CCSER1: variants seen among roughly 807,000 people sequenced by gnomAD.
CCSER1 encodes serine-rich coiled-coil domain-containing protein 1.
A neutral mutation model predicts 82.0 loss-of-function variants in CCSER1; 41 were observed. That is an observed-to-expected ratio of 0.50 (90% confidence interval 0.39 to 0.65). The LOEUF (loss-of-function observed/expected upper bound fraction) is 0.65. Among genes scored for constraint, CCSER1 ranks in the 30% least tolerant of loss-of-function variants. The pLI is 0.00. For synonymous variants in CCSER1, 414 were observed against 383.9 expected, an observed-to-expected ratio of 1.08 and a Z score of -0.92; for missense variants, 1,119 against 1,064.2, an observed-to-expected ratio of 1.05 and a Z score of -0.72.
At chr4:90,660,118 A>G (rs1183181472) in intron 6 of CCSER1, among the ~76,000 whole-genome samples, 1 of 152,042 alleles carries the variant, frequency 6.6e-6, no homozygotes, top group Non-Finnish European at 1.5e-5. Flanking sequence ...AGGAAACAGT[A>G]TGGCAATTTC....
intron 8 of CCSER1, among the ~76,000 whole-genome samples, chr4:90,878,135 T>G (rs2150059335): frequency 6.6e-6 from 1 of 152,272 alleles, no homozygotes; most frequent in Non-Finnish European, 1.5e-5. Context: ...TATGGACTAT[T>G]TATCCTTAAT....
In CCSER1 at chr4:91,601,754, A is replaced by G. The variant is rs143806543; in HGVS notation, c.*2697A>G. On this transcript the variant is annotated 3_prime_UTR_variant, in exon 11 of 11. Coordinates refer to ENST00000509176, the MANE Select transcript of CCSER1 (RefSeq NM_001145065.2). ...TTTTGTGCATGTGTATGTGTAGCTA[A>G]GCCTAAATAACCCTGTAAAATTTCT... 1 of 152,146 alleles carries G rather than the reference A, an allele frequency of 6.6e-6. No homozygotes were observed. 9.4% of individuals were successfully genotyped at this position (152,146 alleles called of 1,614,324 possible).
At chr4:91,313,673 T>C (rs1401616252) in intron 10 of CCSER1, among the ~76,000 whole-genome samples, 1 of 151,926 alleles carries the variant, frequency 6.6e-6, no homozygotes, top group African/African-American at 2.4e-5. Context: ...TGGCTTCTGC[T>C]TTTGCTTCTT....
chr4:90,723,815 ATTTG>A (rs1027960006), intron 6 of CCSER1, 95 bp from the exon 7 acceptor site: 40 of 489,132 alleles, frequency 8.2e-5, no homozygotes, highest in South Asian at 6.7e-4. Context: ...TTTACTTATT[ATTTG>A]TTTATTTTAA....
At chr4:91,084,850 C>G (rs956149557) in intron 9 of CCSER1, among the ~76,000 whole-genome samples, 5 of 151,762 alleles carry the variant, frequency 3.3e-5, no homozygotes, top group African/African-American at 4.8e-5. Flanking sequence ...GTGTTTTTAT[C>G]TAAACAATCA....
intron 1 of CCSER1, among the ~76,000 whole-genome samples, chr4:90,153,058 C>A (rs1727210825): frequency 7.4e-6 from 1 of 135,116 alleles, no homozygotes; most frequent in African/African-American, 2.7e-5. Flanking sequence ...ACCACAGTCC[C>A]CAGAGTGTGA....
chr4:91,483,588 A>T (rs1758061172), intron 10 of CCSER1, among the ~76,000 whole-genome samples: 1 of 151,956 alleles, frequency 6.6e-6, no homozygotes, highest in African/African-American at 2.4e-5. Context: ...GGCACCTGCC[A>T]CCATTCCCAG....
intron 10 of CCSER1, among the ~76,000 whole-genome samples, chr4:91,237,468 G>A (rs1264164350): frequency 6.6e-6 from 1 of 151,620 alleles, no homozygotes; most frequent in African/African-American, 2.4e-5. Context: ...CCTGCAGTCA[G>A]AAATTTTGTC....
At chr4:90,227,399 G>A (rs1040568339) in intron 1 of CCSER1, among the ~76,000 whole-genome samples, 1 of 152,138 alleles carries the variant, frequency 6.6e-6, no homozygotes, top group South Asian at 2.1e-4. Flanking sequence ...AATTGCATTC[G>A]TCTTATAGTC....
At chr4:91,244,994 A>G (rs1282739839) in intron 10 of CCSER1, among the ~76,000 whole-genome samples, 1 of 152,086 alleles carries the variant, frequency 6.6e-6, no homozygotes, top group Non-Finnish European at 1.5e-5. Flanking sequence ...CAATTGGCAT[A>G]CTGAAGAATG....
intron 1 of CCSER1, among the ~76,000 whole-genome samples, chr4:90,189,718 T>C (rs1252266512): frequency 2.0e-5 from 3 of 151,984 alleles, no homozygotes; most frequent in African/African-American, 7.2e-5. Flanking sequence ...ACTTTTGCAG[T>C]TGAATAGCCA....
At chr4:91,284,064 A>G (rs189377715) in intron 10 of CCSER1, among the ~76,000 whole-genome samples, 3 of 152,226 alleles carry the variant, frequency 2.0e-5, no homozygotes, top group Non-Finnish European at 2.9e-5. Context: ...CTGCATTGCA[A>G]TGTGGCCAAC....
chr4:90,522,653 T>C (rs889851004), intron 5 of CCSER1, among the ~76,000 whole-genome samples: 4 of 152,198 alleles, frequency 2.6e-5, no homozygotes, highest in African/African-American at 9.6e-5. Flanking sequence ...AGAATTCTTC[T>C]GTGAAGACTT....
At chr4:91,423,584 T>C (rs1753801642) in intron 10 of CCSER1, among the ~76,000 whole-genome samples, 1 of 152,122 alleles carries the variant, frequency 6.6e-6, no homozygotes, top group Admixed American at 6.5e-5. Context: ...TTCTAACATA[T>C]AGCTTATGAA....
At chr4:90,304,796 A>G (rs1054177149) in intron 1 of CCSER1, among the ~76,000 whole-genome samples, 2 of 152,112 alleles carry the variant, frequency 1.3e-5, no homozygotes, top group Non-Finnish European at 1.5e-5. Context: ...CTTAAAGTAT[A>G]ATAATAATAA....
At chr4:91,142,711 T>C (rs1729155285) in intron 10 of CCSER1, among the ~76,000 whole-genome samples, 1 of 152,184 alleles carries the variant, frequency 6.6e-6, no homozygotes, top group Non-Finnish European at 1.5e-5. Context: ...TAGCCAGTTA[T>C]TGCAACATCA....
intron 1 of CCSER1, among the ~76,000 whole-genome samples, chr4:90,299,480 T>C (rs1732671653): frequency 6.6e-6 from 1 of 152,138 alleles, no homozygotes; most frequent in African/African-American, 2.4e-5. Context: ...TTATGTGATT[T>C]CTGGCTTTTT....
chr4:91,060,812 G>C (rs1743889900), intron 9 of CCSER1, among the ~76,000 whole-genome samples: 1 of 151,962 alleles, frequency 6.6e-6, no homozygotes, highest in Non-Finnish European at 1.5e-5. Context: ...ATTTTAACAG[G>C]AAAATGTTCA....
At chr4:90,408,785 T>C (rs561766648) in intron 4 of CCSER1, among the ~76,000 whole-genome samples, 1 of 152,284 alleles carries the variant, frequency 6.6e-6, no homozygotes, top group South Asian at 2.1e-4. Context: ...GGACGGACAA[T>C]GACTTTGATG....
Sources: gnomAD v4.1 joint callset for allele counts (sites outside exome capture counted in the v4.1 genomes callset) on GRCh38, gnomAD v4.1.1 for gene constraint, MANE v1.5 for transcripts, NCBI Gene and HGNC (gene_info 2026-07-23, HGNC 2026-07-21) for gene names.